IFI27L1: variants seen among roughly 807,000 people sequenced by gnomAD.
IFI27L1 encodes interferon alpha inducible protein 27 like 1, also known as interferon alpha-inducible protein 27-like protein 1.
A neutral mutation model predicts 9.2 loss-of-function variants in IFI27L1; 3 were observed. The observed-to-expected ratio is 0.32, with a 90% CI of 0.15 to 0.84. The LOEUF is 0.84. Ranked by LOEUF, IFI27L1 falls within the 40% of genes least tolerant of loss-of-function variation. The probability of loss-of-function intolerance (pLI) is 0.56; values close to 1 mark genes in which losing one functional copy is unlikely to be tolerated. For synonymous variants in IFI27L1, 53 were observed against 50.0 expected, an observed-to-expected ratio of 1.06 and a Z score of -0.26; for missense variants, 133 against 134.2, an observed-to-expected ratio of 0.99 and a Z score of 0.05.
At chr14:94,083,159 A>AG (rs2084071553) in intron 1 of IFI27L1, among the ~76,000 whole-genome samples, 1 of 152,264 alleles carries the variant, frequency 6.6e-6, no homozygotes, top group Non-Finnish European at 1.5e-5. Flanking sequence ...ACTTCAGTGA[A>AG]GGAGGTAACT....
chr14:94,084,584 C>T (rs1394542146), intron 1 of IFI27L1, among the ~76,000 whole-genome samples: 1 of 152,206 alleles, frequency 6.6e-6, no homozygotes, highest in Admixed American at 6.5e-5. Context: ...AAGAGTCAAG[C>T]TACCTTTTAA....
chr14:94,097,992 G>A (rs1886736431), intron 2 of IFI27L1, among the ~76,000 whole-genome samples: 1 of 152,178 alleles, frequency 6.6e-6, no homozygotes, highest in Non-Finnish European at 1.5e-5. Context: ...TAAAGCAGGG[G>A]AGTCTGAGGA....
chr14:94,088,192 T>G lies in IFI27L1; in HGVS notation c.-52+6743T>G. The G allele has an allele frequency of 1.3e-5, 9 of 699,188 alleles. No homozygotes were observed. The South Asian group carries it at 1.3e-4, about 10-fold the overall frequency. 43.3% of individuals were successfully genotyped at this position (699,188 alleles called of 1,614,324 possible). On this transcript the variant is annotated intron_variant, in intron 1 of 4. Coordinates refer to ENST00000555523, the MANE Select transcript of IFI27L1 (RefSeq NM_206949.3). ...GTGAAGGTGGAAGGGACACAGGGGC[T>G]GTGCTTCGGCTTCTTCTACTGCCAA...
intron 1 of IFI27L1, among the ~76,000 whole-genome samples, chr14:94,084,703 T>G (rs1000816832): frequency 2.0e-5 from 3 of 152,164 alleles, no homozygotes; most frequent in Non-Finnish European, 4.4e-5. Context: ...ATCTTACTTT[T>G]CAAGGAACAA....
intron 1 of IFI27L1, among the ~76,000 whole-genome samples, chr14:94,085,625 A>G (rs1344395798): frequency 6.6e-6 from 1 of 152,150 alleles, no homozygotes; most frequent in Non-Finnish European, 1.5e-5. Context: ...CAATATTTCA[A>G]TTTTAATGTG....
At chr14:94,082,713 A>G (rs1886150504) in intron 1 of IFI27L1, among the ~76,000 whole-genome samples, 2 of 152,260 alleles carry the variant, frequency 1.3e-5, no homozygotes, top group African/African-American at 2.4e-5. Context: ...ACAACTGTTC[A>G]TAGCATGGTT....
chr14:94,098,579 A>G lies in IFI27L1; in HGVS notation c.28+1614A>G, dbSNP rs74077357. Among the ~76,000 whole-genome samples, 490 of 151,106 alleles carry G rather than the reference A, an allele frequency of 3.2e-3. 2 individuals are homozygous for G. The highest frequency in any genetic ancestry group is 0.012 in the African/African-American group (473 of 40,764). On this transcript the variant is annotated intron_variant, in intron 2 of 4. Transcript: ENST00000555523. ...CGGGTGATGCAATTCAACCCGCAAC[A>G]AAGACGTTTTGAGGAAGAGAGAGTA...
chr14:94,099,332 G>T (rs2402411), intron 2 of IFI27L1, among the ~76,000 whole-genome samples: 1 of 151,928 alleles, frequency 6.6e-6, no homozygotes, highest in African/African-American at 2.4e-5. Context: ...GGGGGACGCT[G>T]TCTTCTGGTT....
chr14:94,085,238 G>T (rs1474422088), intron 1 of IFI27L1, among the ~76,000 whole-genome samples: 1 of 152,234 alleles, frequency 6.6e-6, no homozygotes, highest in African/African-American at 2.4e-5. Flanking sequence ...CATCTAGCCA[G>T]GTAGGGCATC....
At chr14:94,084,214 G>T (rs896884887) in intron 1 of IFI27L1, among the ~76,000 whole-genome samples, 1 of 152,164 alleles carries the variant, frequency 6.6e-6, no homozygotes, top group African/African-American at 2.4e-5. Context: ...GGAGATCTGT[G>T]ACTTTAACTG....
chr14:94,091,584 A>G (rs903402403), intron 1 of IFI27L1, among the ~76,000 whole-genome samples: 2 of 152,212 alleles, frequency 1.3e-5, no homozygotes, highest in African/African-American at 2.4e-5. Flanking sequence ...GACATAATTT[A>G]TAATTTGATT....
In IFI27L1 at chr14:94,085,153, G is replaced by A. The variant is rs560628352; in HGVS notation, c.-52+3704G>A. Among the ~76,000 whole-genome samples the A allele has an allele frequency of 1.4e-4, 21 of 152,322 alleles. No homozygotes were observed. The South Asian group carries it at 4.3e-3, about 32-fold the overall frequency. Reference sequence around the variant, plus strand: ...CAAAAAGACTGAAGGGTAGATGTGGGCTGAGGGGAACCAAGAATGCATATG... The same window carrying A: ...CAAAAAGACTGAAGGGTAGATGTGGACTGAGGGGAACCAAGAATGCATATG... On this transcript the variant is annotated intron_variant, in intron 1 of 4. Transcript: ENST00000555523.
intron 1 of IFI27L1, among the ~76,000 whole-genome samples, chr14:94,082,405 C>T (rs948245518): frequency 4.6e-5 from 7 of 151,682 alleles, no homozygotes; most frequent in Non-Finnish European, 7.3e-5. Flanking sequence ...AAGTTATCCC[C>T]AAGATCTAGG....
intron 2 of IFI27L1, among the ~76,000 whole-genome samples, chr14:94,098,433 A>G (rs1297595630): frequency 6.6e-6 from 1 of 152,148 alleles, no homozygotes; most frequent in African/African-American, 2.4e-5. Flanking sequence ...CCTCAGTCAT[A>G]TTGGATTAAG....
chr14:94,101,926 CG>C lies in IFI27L1; in HGVS notation c.179del (p.Gly60AlafsTer22). Reference sequence around the variant, plus strand: ...TGATGTCTACAGCAGCCATTGCCAACGGGGGCGGAGTTGCTGCTGGCAGTCT... The same window carrying C: ...TGATGTCTACAGCAGCCATTGCCAACGGGGCGGAGTTGCTGCTGGCAGTCT... ...KMMSTAAIAN[G>X]GGVAAGSLVA... On this transcript the variant is annotated frameshift_variant, in exon 4 of 5. Transcript: ENST00000555523. LOFTEE classifies it low-confidence loss of function (END_TRUNC). 1 of 1,614,226 alleles carries C rather than the reference CG, an allele frequency of 6.2e-7. No homozygotes were observed. Among genetic ancestry groups the C allele is most frequent in the Non-Finnish European group, 8.5e-7 (1 of 1,180,042 alleles).
At chr14:94,102,067 A>G (rs2139277458) in intron 4 of IFI27L1, 92 bp downstream of exon 4, 1 of 1,341,940 alleles carries the variant, frequency 7.5e-7, no homozygotes, top group East Asian at 2.3e-5. Context: ...CAGGTCCGTG[A>G]TCCTCTGCCT....
chr14:94,098,139 C>T (rs935412043), intron 2 of IFI27L1, among the ~76,000 whole-genome samples: 8 of 152,116 alleles, frequency 5.3e-5, no homozygotes, highest in African/African-American at 1.9e-4. Flanking sequence ...TCTAGGGCTG[C>T]TGTCACAAAG....
intron 2 of IFI27L1, chr14:94,100,361 C>A (rs938650276): frequency 3.0e-6 from 3 of 985,236 alleles, no homozygotes; most frequent in South Asian, 4.7e-5. Context: ...AACTTTGGTC[C>A]CAGCTGCCTA....
chr14:94,097,013 A>T, intron 2 of IFI27L1, 48 bp downstream of exon 2: 1 of 1,532,482 alleles, frequency 6.5e-7, no homozygotes, highest in East Asian at 2.3e-5. Flanking sequence ...TCCGAGGTGA[A>T]TGCACTTTGT....
Sources: allele counts gnomAD v4.1 joint callset (sites outside exome capture counted in the v4.1 genomes callset), GRCh38; gene constraint gnomAD v4.1.1; transcripts MANE v1.5; gene names NCBI Gene and HGNC (gene_info 2026-07-23, HGNC 2026-07-21).